Variants in PTPRG observed in about 807,000 individuals in gnomAD.
PTPRG encodes the protein protein tyrosine phosphatase receptor type G, also known as receptor-type tyrosine-protein phosphatase gamma.
Under a neutral mutation model 165.3 loss-of-function variants are expected in PTPRG, and 102 were observed. The ratio of observed to expected loss-of-function variants is 0.62; its 90% CI spans 0.53 to 0.73. PTPRG has a LOEUF of 0.73. Ranked by LOEUF, PTPRG falls within the 30% of genes least tolerant of loss-of-function variation. The pLI, the probability that PTPRG is intolerant of heterozygous loss-of-function variation, is 0.00. For missense variants in PTPRG, 1,866 were observed against 1,861.4 expected, an observed-to-expected ratio of 1.00 and a Z score of -0.05; for synonymous variants, 675 against 669.5, an observed-to-expected ratio of 1.01 and a Z score of -0.13.
intron 1 of PTPRG, among the ~76,000 whole-genome samples, chr3:61,672,908 C>T (rs976648819): frequency 2.0e-5 from 3 of 151,796 alleles, no homozygotes; most frequent in African/African-American, 7.3e-5. Flanking sequence ...ACCTGCAATC[C>T]TAGCACCTTG....
intron 1 of PTPRG, among the ~76,000 whole-genome samples, chr3:61,582,520 G>A (rs1262766371): frequency 6.6e-6 from 1 of 152,178 alleles, no homozygotes; most frequent in East Asian, 1.9e-4. Flanking sequence ...CCAGGACGTA[G>A]CCTGATAGGA....
chr3:61,873,591 CT>C (rs1488507791), intron 2 of PTPRG, among the ~76,000 whole-genome samples: 1 of 151,840 alleles, frequency 6.6e-6, no homozygotes, highest in Non-Finnish European at 1.5e-5. Flanking sequence ...TATGGGTTGC[CT>C]TTGGCATTTA....
At chr3:61,952,148 A>G (rs34541254) in intron 2 of PTPRG, among the ~76,000 whole-genome samples, 2 of 149,280 alleles carry the variant, frequency 1.3e-5, no homozygotes, top group African/African-American at 4.9e-5. Context: ...AAAAGACAGT[A>G]TCAGAATCCC....
At chr3:61,754,067 C>G (rs1575636015) in intron 2 of PTPRG, among the ~76,000 whole-genome samples, 1 of 152,184 alleles carries the variant, frequency 6.6e-6, no homozygotes. Context: ...GAAATAGCTT[C>G]TAAGAATCAG....
chr3:61,803,849 G>A (rs1019999979), intron 2 of PTPRG, among the ~76,000 whole-genome samples: 2 of 152,146 alleles, frequency 1.3e-5, no homozygotes, highest in Non-Finnish European at 2.9e-5. Flanking sequence ...GTTAAAAGTT[G>A]CAACGCTAGG....
intron 2 of PTPRG, among the ~76,000 whole-genome samples, chr3:61,896,594 G>A (rs930586218): frequency 7.2e-5 from 11 of 152,138 alleles, no homozygotes; most frequent in Non-Finnish European, 1.5e-4. Flanking sequence ...TGGGTTGTGT[G>A]GTAGTTACGT....
intron 2 of PTPRG, among the ~76,000 whole-genome samples, chr3:61,850,451 G>A (rs1254327976): frequency 6.6e-6 from 1 of 152,202 alleles, no homozygotes; most frequent in Non-Finnish European, 1.5e-5. Flanking sequence ...GTGAGCCGCT[G>A]TGCCCAATCC....
chr3:61,618,510 C>A (rs1045639307), intron 1 of PTPRG, among the ~76,000 whole-genome samples: 1 of 152,054 alleles, frequency 6.6e-6, no homozygotes, highest in Non-Finnish European at 1.5e-5. Flanking sequence ...GGCAATTGAG[C>A]TTTTGGAAGC....
intron 2 of PTPRG, among the ~76,000 whole-genome samples, chr3:61,966,002 A>G (rs1471502770): frequency 6.6e-6 from 1 of 152,204 alleles, no homozygotes. Flanking sequence ...TTTCATGGCA[A>G]AAACAAATCT....
rs899510430 is a variant in PTPRG at position 62,254,995 on chromosome 3, T to G, written c.2468-129T>G. ...GAGACTTTTCTTCAGGACATCTATT[T>G]TGTGTGATACAATTATTTTGCTCTT... On this transcript the variant is annotated intron_variant, in intron 15 of 29. Transcript: ENST00000474889. The surrounding 1 kb of genome is among the most constrained non-coding windows in gnomAD (Gnocchi z 4.6). 5.0e-5 allele frequency: 34 copies of G among 683,494 alleles called. No homozygotes were observed. The African/African-American group carries it at 5.8e-4, about 12-fold the overall frequency. The allele number at this position is 683,494 out of a possible 1,614,324, so 42.3% of individuals were successfully genotyped here. A position where few individuals can be genotyped will look rare whatever the true frequency, so the allele number is the denominator to read the frequency against.
At chr3:61,901,286 C>T (rs2038492725) in intron 2 of PTPRG, among the ~76,000 whole-genome samples, 1 of 152,314 alleles carries the variant, frequency 6.6e-6, no homozygotes, top group East Asian at 1.9e-4. Context: ...GTGCATCCTT[C>T]AGCAGTGTGT....
chr3:61,777,253 C>G lies in PTPRG; in HGVS notation c.190+28271C>G, dbSNP rs534507100. 3.9e-5 allele frequency among the ~76,000 whole-genome samples: 6 copies of G among 152,316 alleles called. No homozygotes were observed. In the South Asian group the frequency reaches 1.2e-3, roughly 32 times the overall value. ...GCTGTGCTGTCTAACACAGCAGCTA[C>G]TTGCCACATGTGACCATGGAGCACT... On this transcript the variant is annotated intron_variant, in intron 2 of 29. Coordinates refer to ENST00000474889, the MANE Select transcript of PTPRG (RefSeq NM_002841.4).
intron 1 of PTPRG, among the ~76,000 whole-genome samples, chr3:61,562,881 C>G (rs1699798975): frequency 6.6e-6 from 1 of 151,880 alleles, no homozygotes. Context: ...GAATGGAAGT[C>G]GGAGGCTGGC....
At chr3:61,953,274 C>G (rs903703271) in intron 2 of PTPRG, among the ~76,000 whole-genome samples, 31 of 152,174 alleles carry the variant, frequency 2.0e-4, no homozygotes, top group African/African-American at 7.2e-4. Context: ...CCCACCCACC[C>G]TTGCTCTGCT....
intron 2 of PTPRG, among the ~76,000 whole-genome samples, chr3:61,778,934 C>T (rs2034463649): frequency 6.6e-6 from 1 of 151,890 alleles, no homozygotes; most frequent in African/African-American, 2.4e-5. Context: ...AATAGTGTGA[C>T]AATGAGGTCT....
rs147691468 is a variant in PTPRG at position 61,727,868 on chromosome 3, C to T, written c.86-21010C>T. 7.1e-3 allele frequency among the ~76,000 whole-genome samples: 1,088 copies of T among 152,332 alleles called. 20 individuals are homozygous for T. Among genetic ancestry groups the T allele is most frequent in the African/African-American group, 0.024 (1,010 of 41,572 alleles). ...TTCTTCTCAGCAGTTTGCGAAGCTT[C>T]TTGGCTACTGATAATGCCTGGGTTT... On this transcript the variant is annotated intron_variant, in intron 1 of 29. Coordinates refer to ENST00000474889, the MANE Select transcript of PTPRG (RefSeq NM_002841.4).
intron 2 of PTPRG, among the ~76,000 whole-genome samples, chr3:61,892,892 TG>T (rs1421321419): frequency 6.6e-6 from 1 of 152,026 alleles, no homozygotes; most frequent in East Asian, 1.9e-4. Flanking sequence ...AAATAAAAAT[TG>T]GGGCTCACTT....
At chr3:62,118,235 T>C (rs1273658974) in intron 5 of PTPRG, 1 of 152,270 alleles carries the variant, frequency 6.6e-6, no homozygotes, top group African/African-American at 2.4e-5. Context: ...CCATGAGCTC[T>C]CTGTTCCAAT....
chr3:62,231,353 C>A, intron 14 of PTPRG, 42 bp downstream of exon 14: 1 of 1,487,502 alleles, frequency 6.7e-7, no homozygotes, highest in Non-Finnish European at 9.0e-7. Flanking sequence ...TCTTGATGGC[C>A]GGGACTGGCT....
Sources: gnomAD v4.1 joint callset for allele counts (sites outside exome capture counted in the v4.1 genomes callset) on GRCh38, gnomAD v4.1.1 for gene constraint, Gnocchi (gnomAD v3.1) non-coding constraint, MANE v1.5 for transcripts, NCBI Gene and HGNC (gene_info 2026-07-23, HGNC 2026-07-21) for gene names.